GABBR2: variants seen among roughly 807,000 people sequenced by gnomAD.
The protein encoded by GABBR2 is gamma-aminobutyric acid type B receptor subunit 2, also known as G-protein coupled receptor 51.
A neutral mutation model predicts 105.6 loss-of-function variants in GABBR2; 23 were observed. The ratio of observed to expected loss-of-function variants is 0.22; its 90% confidence interval spans 0.16 to 0.31. GABBR2 has a LOEUF of 0.31. Among genes scored for constraint, GABBR2 ranks in the 10% least tolerant of loss-of-function variants. The pLI is 1.00. For synonymous variants in GABBR2, 478 were observed against 499.7 expected, an observed-to-expected ratio of 0.96 and a Z score of 0.58; for missense variants, 734 against 1,245.5, an observed-to-expected ratio of 0.59 and a Z score of 6.18.
chr9:98,465,608 A>G (rs1157823834), intron 6 of GABBR2, among the ~76,000 whole-genome samples: 1 of 152,262 alleles, frequency 6.6e-6, no homozygotes, highest in East Asian at 1.9e-4. Flanking sequence ...CTAGCTTTGT[A>G]GCTACAAACA....
At chr9:98,579,726 A>G (rs139355491) in intron 1 of GABBR2, among the ~76,000 whole-genome samples, 1 of 152,340 alleles carries the variant, frequency 6.6e-6, no homozygotes, top group East Asian at 1.9e-4. Context: ...AAGAGAATTT[A>G]AGGAACCGGG....
chr9:98,468,143 C>G (rs73655464), intron 6 of GABBR2, among the ~76,000 whole-genome samples: 1 of 152,104 alleles, frequency 6.6e-6, no homozygotes, highest in Non-Finnish European at 1.5e-5. Context: ...CAAGTCCCAA[C>G]GCAGGACAGT....
chr9:98,502,096 G>C (rs1389574657), intron 3 of GABBR2, among the ~76,000 whole-genome samples: 1 of 152,192 alleles, frequency 6.6e-6, no homozygotes. Context: ...CTAGACATGG[G>C]AGTGCAGTCT....
At chr9:98,544,300 G>C (rs1351542199) in intron 2 of GABBR2, among the ~76,000 whole-genome samples, 1 of 152,170 alleles carries the variant, frequency 6.6e-6, no homozygotes, top group East Asian at 1.9e-4. Flanking sequence ...GGGCAGTAGA[G>C]ATTTGTCCCT....
In GABBR2 at chr9:98,473,290, G is replaced by A. The variant is rs758329114; in HGVS notation, c.855C>T (p.Tyr285=). The A allele has an allele frequency of 2.5e-5, 41 of 1,613,484 alleles. No individual in the cohort carries two copies. The highest frequency in any genetic ancestry group is 1.0e-4 in the Admixed American group (6 of 59,994). The part of the protein sequence containing the change: ...SKYQWIIPGW[Y]EPSWWEQVHT... ...GCACCTGCTCCCACCAAGAAGGCTC[G>A]TACCAGCCCGGAATGATCCACTGAT... is the stretch of plus-strand genomic sequence containing the variant. Residue 285 remains tyrosine (Y), a synonymous_variant, in exon 6 of 19, where the codon TAC becomes TAT. Transcript: ENST00000259455.
intron 7 of GABBR2, among the ~76,000 whole-genome samples, chr9:98,446,773 G>A (rs1322719691): frequency 6.6e-6 from 1 of 152,260 alleles, no homozygotes; most frequent in Non-Finnish European, 1.5e-5. Context: ...GGCATTGGAC[G>A]CTAGCATGGG....
chr9:98,360,694 A>T (rs1419263684), intron 13 of GABBR2, among the ~76,000 whole-genome samples: 1 of 152,216 alleles, frequency 6.6e-6, no homozygotes, highest in African/African-American at 2.4e-5. Flanking sequence ...GAAGGCAGGT[A>T]AGAGCCATGA....
At chr9:98,372,251 G>A (rs1265311313) in intron 11 of GABBR2, among the ~76,000 whole-genome samples, 4 of 152,136 alleles carry the variant, frequency 2.6e-5, no homozygotes, top group Non-Finnish European at 4.4e-5. Flanking sequence ...CCTCCAGGAC[G>A]CCCACCTTCA....
chr9:98,331,811 G>A (rs1831031686), intron 13 of GABBR2, among the ~76,000 whole-genome samples: 1 of 152,160 alleles, frequency 6.6e-6, no homozygotes, highest in Non-Finnish European at 1.5e-5. Flanking sequence ...AAGTGGGAGT[G>A]GGAGCATGCA....
At chr9:98,604,711 C>A (rs1418899566) in intron 1 of GABBR2, among the ~76,000 whole-genome samples, 1 of 152,144 alleles carries the variant, frequency 6.6e-6, no homozygotes, top group East Asian at 1.9e-4. Context: ...TTATATAAGG[C>A]CCTTTCTAGG....
intron 1 of GABBR2, among the ~76,000 whole-genome samples, chr9:98,653,746 T>C (rs971511423): frequency 1.2e-3 from 175 of 150,170 alleles, no homozygotes; most frequent in African/African-American, 4.0e-3. Context: ...CACACACATA[T>C]GCACACCCAC....
Position 98,686,948 on chromosome 9 carries a change from CAG to C in GABBR2, c.321+21467_321+21468del, listed in dbSNP as rs889357753. 2.6e-4 allele frequency among the ~76,000 whole-genome samples: 39 copies of C among 152,078 alleles called. 1 individual carries two copies. Among genetic ancestry groups the C allele is most frequent in the African/African-American group, 9.4e-4 (39 of 41,520 alleles). ...CAGAGCCCAGACCACCCTCCCTCAGCAGAGTCAGTGCTTCTAAACAAACAAGA... is the reference window on the plus strand; with the variant it reads ...CAGAGCCCAGACCACCCTCCCTCAGCAGTCAGTGCTTCTAAACAAACAAGA... On this transcript the variant is annotated intron_variant, in intron 1 of 18. Coordinates refer to ENST00000259455, the MANE Select transcript of GABBR2 (RefSeq NM_005458.8).
intron 3 of GABBR2, among the ~76,000 whole-genome samples, chr9:98,540,444 G>A (rs1458530872): frequency 6.6e-6 from 1 of 152,154 alleles, no homozygotes; most frequent in African/African-American, 2.4e-5. Flanking sequence ...CGTCTCCAAG[G>A]TCACACAGCC....
chr9:98,561,726 A>T (rs1828676300), intron 2 of GABBR2, among the ~76,000 whole-genome samples: 1 of 152,128 alleles, frequency 6.6e-6, no homozygotes, highest in Non-Finnish European at 1.5e-5. Context: ...CTACAAAAAA[A>T]TTTTAAAATT....
At chr9:98,328,542 G>C (rs1037314774) in intron 13 of GABBR2, among the ~76,000 whole-genome samples, 1 of 152,170 alleles carries the variant, frequency 6.6e-6, no homozygotes. Context: ...CAGAACCAAA[G>C]ATATCAATGT....
At chr9:98,666,580 C>T (rs1830337410) in intron 1 of GABBR2, among the ~76,000 whole-genome samples, 1 of 152,196 alleles carries the variant, frequency 6.6e-6, no homozygotes, top group South Asian at 2.1e-4. Flanking sequence ...CGGGGTCTTG[C>T]TATGCTGCCT....
At chr9:98,659,614 T>C (rs1343993253) in intron 1 of GABBR2, among the ~76,000 whole-genome samples, 5 of 148,302 alleles carry the variant, frequency 3.4e-5, no homozygotes, top group Middle Eastern at 3.4e-3. Context: ...CTCTGCCTCC[T>C]GGTTCAAACA....
chr9:98,512,810 C>T (rs1011894879), intron 3 of GABBR2, among the ~76,000 whole-genome samples: 22 of 152,258 alleles, frequency 1.4e-4, no homozygotes, highest in African/African-American at 4.6e-4. Context: ...GAATCAATAT[C>T]GTGCAAATGG....
Position 98,289,547 on chromosome 9 carries a change from C to T in GABBR2, c.*1037G>A, listed in dbSNP as rs963971449. 3 of 152,470 alleles carry T rather than the reference C, an allele frequency of 2.0e-5. No individual in the cohort carries two copies. The highest frequency in any genetic ancestry group is 7.2e-5 in the African/African-American group (3 of 41,388). The allele number at this position is 152,470 out of a possible 1,614,324, so 9.4% of individuals were successfully genotyped here. On this transcript the variant is annotated 3_prime_UTR_variant, in exon 19 of 19. Transcript: ENST00000259455. The stretch of plus-strand genomic sequence containing the variant: ...TGCCTTCTGGAAGCCAAGGGAAGCC[C>T]TCAGCCAGCAACTCTCTCCCCTATG...
Sources: allele counts gnomAD v4.1 joint callset (sites outside exome capture counted in the v4.1 genomes callset), GRCh38; gene constraint gnomAD v4.1.1; transcripts MANE v1.5; gene names NCBI Gene and HGNC (gene_info 2026-07-23, HGNC 2026-07-21).